CALCR: variants seen among roughly 807,000 people sequenced by gnomAD.
CALCR encodes calcitonin receptor.
In CALCR, 47 loss-of-function variants were observed where a neutral mutation model predicts 59.5. That is an observed-to-expected ratio of 0.79 (90% confidence interval 0.63 to 1.01). The LOEUF (loss-of-function observed/expected upper bound fraction) is 1.01, where lower values mean the gene tolerates loss of function less well. CALCR is among the 50% of genes least tolerant of loss of function. The pLI is 0.00. For missense variants in CALCR, 566 were observed against 597.1 expected (o/e 0.95, Z 0.54); for synonymous variants, 213 against 211.3 (o/e 1.01, Z -0.07).
chr7:93,569,859 G>C (rs1478716930), intron 2 of CALCR, among the ~76,000 whole-genome samples: 2 of 151,116 alleles, frequency 1.3e-5, no homozygotes, highest in Non-Finnish European at 2.9e-5. Context: ...TAAAGGGCAG[G>C]GAGTGAGACT....
chr7:93,434,323 AGT>A (rs1411153907), intron 12 of CALCR, 29 bp from the exon 13 acceptor site: 2 of 1,567,176 alleles, frequency 1.3e-6, no homozygotes, highest in East Asian at 2.3e-5. Context: ...ATACAGTTGA[AGT>A]TATTTTTGTG....
chr7:93,453,948 A>G (rs1363870939), intron 8 of CALCR, among the ~76,000 whole-genome samples: 1 of 152,108 alleles, frequency 6.6e-6, no homozygotes, highest in Non-Finnish European at 1.5e-5. Context: ...TGACCAGGGT[A>G]GGATACTTCA....
At chr7:93,561,421 T>C (rs537454454) in intron 2 of CALCR, among the ~76,000 whole-genome samples, 24 of 152,190 alleles carry the variant, frequency 1.6e-4, no homozygotes, top group Non-Finnish European at 3.2e-4. Context: ...CATTCCCTAA[T>C]AGCATTTTTG....
chr7:93,452,592 C>T (rs1445624948), intron 8 of CALCR, among the ~76,000 whole-genome samples: 1 of 151,940 alleles, frequency 6.6e-6, no homozygotes, highest in Non-Finnish European at 1.5e-5. Flanking sequence ...GTTATGCAAT[C>T]TTGAGATGAT....
chr7:93,494,413 T>C (rs1283577445), intron 2 of CALCR, among the ~76,000 whole-genome samples: 1 of 151,382 alleles, frequency 6.6e-6, no homozygotes, highest in Admixed American at 6.6e-5. Context: ...TACACATGTA[T>C]CACAAACAGC....
rs1290625062 is a variant in CALCR at position 93,489,366 on chromosome 7, A to C, written c.-26-2359T>G. 2.6e-5 allele frequency among the ~76,000 whole-genome samples: 4 copies of C among 152,102 alleles called. No individual in the cohort carries two copies. In the East Asian group the frequency reaches 5.8e-4, roughly 22 times the overall value. Reference sequence around the variant, plus strand: ...CACAATTAAAAGAGCTAGAGAGGCAAAAGCAAACTAATCCAAAAGCTAGCA... The same window carrying C: ...CACAATTAAAAGAGCTAGAGAGGCACAAGCAAACTAATCCAAAAGCTAGCA... On this transcript the variant is annotated intron_variant, in intron 2 of 13. Transcript: ENST00000426151.
At chr7:93,543,254 CA>C (rs1457430043) in intron 2 of CALCR, among the ~76,000 whole-genome samples, 1 of 152,152 alleles carries the variant, frequency 6.6e-6, no homozygotes, top group Admixed American at 6.5e-5. Flanking sequence ...AAGTGATTCT[CA>C]TGCCTCAGCC....
At chr7:93,557,097 C>G (rs966281681) in intron 2 of CALCR, among the ~76,000 whole-genome samples, 3 of 151,966 alleles carry the variant, frequency 2.0e-5, no homozygotes, top group Admixed American at 6.6e-5. Context: ...TATAGAAACT[C>G]TTTTTACCTC....
At chr7:93,454,181 T>C (rs1470078025) in intron 8 of CALCR, among the ~76,000 whole-genome samples, 1 of 151,946 alleles carries the variant, frequency 6.6e-6, no homozygotes, top group Non-Finnish European at 1.5e-5. Context: ...TGGGCAGGAG[T>C]CCAGTTTCCA....
intron 5 of CALCR, among the ~76,000 whole-genome samples, chr7:93,473,245 T>C (rs1800594320): frequency 6.6e-6 from 1 of 151,854 alleles, no homozygotes; most frequent in Non-Finnish European, 1.5e-5. Flanking sequence ...GGCACTGTGC[T>C]CAGCACTTTG....
In CALCR at chr7:93,443,658, C is replaced by T. The variant is rs548671354; in HGVS notation, c.748G>A (p.Val250Met). 4.8e-5 allele frequency: 77 copies of T among 1,613,246 alleles called. No homozygotes were observed. In the Middle Eastern group the frequency reaches 1.3e-3, roughly 28 times the overall value. Residue 250 changes from valine to methionine, a missense_variant, in exon 9 of 14, where the codon GTG (valine) becomes ATG (methionine). Physicochemically the swap from Val to Met is conservative, Grantham distance 21. Coordinates refer to ENST00000426151, the MANE Select transcript of CALCR (RefSeq NM_001742.4). ...CGTTGCTTCTCAGTAAACACAGCCA[C>T]GACAATGAGTGTATGAAGATAGATC... is the stretch of plus-strand genomic sequence containing the variant. ...EGIYLHTLIV[V>M]AVFTEKQRLR...
intron 8 of CALCR, among the ~76,000 whole-genome samples, chr7:93,457,947 T>C (rs1337754998): frequency 6.6e-6 from 1 of 152,168 alleles, no homozygotes; most frequent in Non-Finnish European, 1.5e-5. Flanking sequence ...TAAGTACTCA[T>C]GCTACGGAGG....
At chr7:93,471,332 T>C (rs1042642907) in intron 6 of CALCR, among the ~76,000 whole-genome samples, 15 of 151,844 alleles carry the variant, frequency 9.9e-5, no homozygotes, top group African/African-American at 3.6e-4. Flanking sequence ...GGTGTAGACA[T>C]GCATCTGATT....
At chr7:93,462,216 A>G in intron 7 of CALCR, 1 of 577,390 alleles carries the variant, frequency 1.7e-6, no homozygotes, top group South Asian at 2.3e-5. Context: ...GTAACTCATT[A>G]ATAAATAATA....
rs972946 is a variant in CALCR at position 93,472,427 on chromosome 7, C to G, written c.377G>C (p.Arg126Pro). Residue 126 changes from arginine to proline, a missense_variant, in exon 6 of 14, where the codon CGA becomes CCA. Transcript: ENST00000426151. ...GVWFKHPENNRTWSNYTMCNA... is the reference protein window; with the variant it reads ...GVWFKHPENNPTWSNYTMCNA... ...GCACATAGTATAGTTGGACCAGGTT[C>G]GATTGTTTTCAGGATGTTTAAACCA... 1.9e-6 allele frequency: 3 copies of G among 1,610,602 alleles called. No individual in the cohort carries two copies. The East Asian group carries it at 6.7e-5, about 36-fold the overall frequency.
chr7:93,477,463 T>G, intron 5 of CALCR, 95 bp downstream of exon 5: 1 of 745,160 alleles, frequency 1.3e-6, no homozygotes, highest in Non-Finnish European at 2.3e-6. Context: ...GGAGTATGAT[T>G]AGGTGGGTAC....
At chr7:93,491,736 AAAAGTC>A (rs1237353061) in intron 2 of CALCR, among the ~76,000 whole-genome samples, 1 of 152,022 alleles carries the variant, frequency 6.6e-6, no homozygotes, top group Non-Finnish European at 1.5e-5. Context: ...GTGATTATTA[AAAAGTC>A]AAGAAACCAT....
In CALCR at chr7:93,430,845, A is replaced by C. The variant is rs185831450; in HGVS notation, c.1191+3408T>G. On this transcript the variant is annotated intron_variant, in intron 13 of 13. Transcript: ENST00000426151. ...TTCCAGGTGATTCTGATGTACACTC[A>C]AGTTTGAGAATACTGGTCTAGAACA... Among the ~76,000 whole-genome samples, 419 of 152,306 alleles carry C rather than the reference A, an allele frequency of 2.8e-3. 3 individuals carry two copies. Among genetic ancestry groups the C allele is most frequent in the African/African-American group, 9.7e-3 (404 of 41,572 alleles).
At chr7:93,561,957 C>T (rs1050455989) in intron 2 of CALCR, among the ~76,000 whole-genome samples, 8 of 151,882 alleles carry the variant, frequency 5.3e-5, no homozygotes, top group Admixed American at 1.3e-4. Flanking sequence ...TCTGGTTATA[C>T]GATCTCTATG....
Sources: allele counts gnomAD v4.1 joint callset (sites outside exome capture counted in the v4.1 genomes callset), GRCh38; gene constraint gnomAD v4.1.1; transcripts MANE v1.5; gene names NCBI Gene and HGNC (gene_info 2026-07-23, HGNC 2026-07-21).